The following PRELID2 variants were observed in gnomAD, a reference collection of about 807,000 sequenced individuals.
PRELID2 encodes the protein PRELI domain-containing protein 2.
A neutral mutation model predicts 28.4 loss-of-function variants in PRELID2; 25 were observed. The ratio of observed to expected loss-of-function variants is 0.88; its 90% confidence interval spans 0.64 to 1.23. The LOEUF (loss-of-function observed/expected upper bound fraction) is 1.23, where lower values mean the gene tolerates loss of function less well. Ranked by LOEUF, PRELID2 falls within the 50% of genes most tolerant of loss-of-function variation. PRELID2 has a pLI of 0.00. For missense variants in PRELID2, 201 were observed against 214.4 expected (o/e 0.94, Z 0.39); for synonymous variants, 76 against 71.6 (o/e 1.06, Z -0.31).
chr5:145,286,300 T>G, the PRELID2 span, among the ~76,000 whole-genome samples: 3 of 152,208 alleles, frequency 2.0e-5, no homozygotes, highest in Non-Finnish European at 2.9e-5. Context: ...CCACACTACT[T>G]ACCACTATGC....
chr5:145,649,227 G>A (rs911361703), intron 1 of PRELID2, among the ~76,000 whole-genome samples: 6 of 152,114 alleles, frequency 3.9e-5, no homozygotes, highest in African/African-American at 1.2e-4. Flanking sequence ...TAGGTTATAC[G>A]CAAATACTAT....
chr5:145,463,164 TTTTG>T, the PRELID2 span, among the ~76,000 whole-genome samples: 2 of 152,086 alleles, frequency 1.3e-5, no homozygotes, highest in African/African-American at 4.8e-5. Context: ...AAGAATAATT[TTTTG>T]TTTGTTTTTT....
chr5:145,337,686 AATATATATATATATATATATATATATAT>A, the PRELID2 span, among the ~76,000 whole-genome samples: 56 of 79,878 alleles, frequency 7.0e-4, 1 homozygote, highest in South Asian at 1.7e-3. Context: ...GCATAGGGCA[AATATATATATATATATATATATATATAT>A]ATATATATAT....
At chr5:145,648,626 G>A (rs187027277) in intron 1 of PRELID2, among the ~76,000 whole-genome samples, 20 of 148,100 alleles carry the variant, frequency 1.4e-4, no homozygotes, top group South Asian at 2.1e-4. Context: ...GAGTTTAGGC[G>A]GTTTTTTTGT....
intron 1 of PRELID2, among the ~76,000 whole-genome samples, chr5:145,829,724 C>G (rs966334487): frequency 6.6e-6 from 1 of 152,288 alleles, no homozygotes; most frequent in African/African-American, 2.4e-5. Flanking sequence ...CATGCCTAAT[C>G]TTCTAGTGGA....
downstream of PRELID2, among the ~76,000 whole-genome samples, chr5:145,753,259 C>T (rs1157653444): frequency 1.3e-5 from 2 of 152,174 alleles, no homozygotes; most frequent in Non-Finnish European, 2.9e-5. Flanking sequence ...GCACAGCATG[C>T]AGTCCACAGC....
chr5:145,777,374 A>G (rs1473861589), intron 5 of PRELID2, among the ~76,000 whole-genome samples: 9 of 152,074 alleles, frequency 5.9e-5, no homozygotes, highest in Non-Finnish European at 1.2e-4. Context: ...ACCTAGCATG[A>G]GAGGAAATTT....
chr5:145,454,551 C>T, the PRELID2 span, among the ~76,000 whole-genome samples: 2 of 152,182 alleles, frequency 1.3e-5, no homozygotes. Context: ...AGCCCAAAAT[C>T]TCCTTAAGCT....
chr5:145,548,547 C>T (rs1752806411), intron 1 of PRELID2, among the ~76,000 whole-genome samples: 1 of 152,166 alleles, frequency 6.6e-6, no homozygotes, highest in Non-Finnish European at 1.5e-5. Context: ...CTACTCATGT[C>T]CTCTACTATA....
At chr5:145,809,474 A>T (rs953198356) in intron 4 of PRELID2, among the ~76,000 whole-genome samples, 1 of 152,234 alleles carries the variant, frequency 6.6e-6, no homozygotes, top group Non-Finnish European at 1.5e-5. Context: ...ACAAAGAGCC[A>T]GCCTCCAACC....
At chr5:145,418,669 G>A in the PRELID2 span, among the ~76,000 whole-genome samples, 1 of 152,140 alleles carries the variant, frequency 6.6e-6, no homozygotes, top group Non-Finnish European at 1.5e-5. Flanking sequence ...AAATGGTGCT[G>A]GGAGAACTGG....
rs1757669772 is a variant in PRELID2, at chr5:145,765,128, A to G, written c.475-128T>C. ...ATATTCATTTCAACAAAGTAGGCTC[A>G]TAGCCATACCTGACATTTTTTTAAT... On this transcript the variant is annotated intron_variant, in intron 5 of 6. Transcript: ENST00000683046. 5 of 628,158 alleles carry G rather than the reference A, an allele frequency of 8.0e-6. No homozygotes were observed. The East Asian group carries it at 1.4e-4, about 18-fold the overall frequency. The allele number at this position is 628,158 out of a possible 1,614,324, so 38.9% of individuals were successfully genotyped here.
chr5:145,443,600 T>C, the PRELID2 span, among the ~76,000 whole-genome samples: 12 of 152,198 alleles, frequency 7.9e-5, no homozygotes, highest in Middle Eastern at 3.4e-3. Flanking sequence ...AGAAATAACA[T>C]TGGGCATGCA....
intron 1 of PRELID2, among the ~76,000 whole-genome samples, chr5:145,553,794 A>C (rs1456516637): frequency 6.6e-6 from 1 of 152,226 alleles, no homozygotes; most frequent in Non-Finnish European, 1.5e-5. Context: ...AAGAATTGTG[A>C]CAGGGTGACT....
chr5:145,668,897 A>T (rs1356125021), intron 1 of PRELID2, among the ~76,000 whole-genome samples: 1 of 152,124 alleles, frequency 6.6e-6, no homozygotes, highest in Non-Finnish European at 1.5e-5. Flanking sequence ...CTAATAGCTT[A>T]ATCGTCCTGT....
At chr5:145,519,733 G>A (rs1394469649) in intron 1 of PRELID2, among the ~76,000 whole-genome samples, 1 of 152,158 alleles carries the variant, frequency 6.6e-6, no homozygotes, top group Non-Finnish European at 1.5e-5. Flanking sequence ...CATAGGCTCT[G>A]ATCCAATGAT....
chr5:145,650,560 AT>A (rs1754276713), intron 1 of PRELID2, among the ~76,000 whole-genome samples: 2 of 139,580 alleles, frequency 1.4e-5, no homozygotes, highest in Non-Finnish European at 3.1e-5. Flanking sequence ...ATATATATAT[AT>A]ATATATATAT....
intron 1 of PRELID2, among the ~76,000 whole-genome samples, chr5:145,599,339 A>G (rs1753354868): frequency 6.6e-6 from 1 of 152,232 alleles, no homozygotes; most frequent in Non-Finnish European, 1.5e-5. Flanking sequence ...AAATCAGCAG[A>G]AAGAATAATC....
chr5:145,592,714 T>C (rs1173044216), intron 1 of PRELID2, among the ~76,000 whole-genome samples: 5 of 152,212 alleles, frequency 3.3e-5, no homozygotes, highest in Non-Finnish European at 7.3e-5. Flanking sequence ...CTAGACTTAA[T>C]TACTTTGTTG....
Sources: allele counts gnomAD v4.1 joint callset (sites outside exome capture counted in the v4.1 genomes callset), GRCh38; gene constraint gnomAD v4.1.1; transcripts MANE v1.5; gene names NCBI Gene and HGNC (gene_info 2026-07-23, HGNC 2026-07-21).